Variants in CUX1 observed in about 807,000 individuals in gnomAD.
The protein encoded by CUX1 is protein CASP.
In CUX1, 31 loss-of-function variants were observed where a neutral mutation model predicts 158.8. The ratio of observed to expected loss-of-function variants is 0.20; its 90% CI spans 0.15 to 0.26. The LOEUF is 0.26. Among genes scored for constraint, CUX1 ranks in the 10% least tolerant of loss-of-function variants. The probability of loss-of-function intolerance (pLI) is 1.00; values close to 1 mark genes in which losing one functional copy is unlikely to be tolerated. For synonymous variants in CUX1, 879 were observed against 862.1 expected, an observed-to-expected ratio of 1.02 and a Z score of -0.34; for missense variants, 1,589 against 2,014.6, an observed-to-expected ratio of 0.79 and a Z score of 4.04.
chr7:101,941,045 C>A (rs904611187), intron 2 of CUX1, among the ~76,000 whole-genome samples: 4 of 152,224 alleles, frequency 2.6e-5, no homozygotes, highest in African/African-American at 9.6e-5. Context: ...AGGAAAAGGG[C>A]AGGGAGCCGG....
intron 2 of CUX1, among the ~76,000 whole-genome samples, chr7:101,937,980 C>T (rs1225989091): frequency 6.6e-6 from 1 of 152,180 alleles, no homozygotes; most frequent in Non-Finnish European, 1.5e-5. Context: ...CTTGCCCTTC[C>T]CTCCTCACAG....
intron 1 of CUX1, among the ~76,000 whole-genome samples, chr7:101,905,118 G>T (rs573797558): frequency 6.6e-6 from 1 of 152,236 alleles, no homozygotes; most frequent in East Asian, 1.9e-4. Context: ...GTCTCTGGGT[G>T]GGGGGCTCAG....
chr7:102,016,936 T>A (rs1818667119), intron 2 of CUX1, among the ~76,000 whole-genome samples: 1 of 151,912 alleles, frequency 6.6e-6, no homozygotes, highest in Non-Finnish European at 1.5e-5. Context: ...TTTCAGAGAG[T>A]CCTGGGGTGA....
intron 1 of CUX1, among the ~76,000 whole-genome samples, chr7:101,836,165 A>G (rs945760476): frequency 1.3e-5 from 2 of 152,082 alleles, no homozygotes; most frequent in Non-Finnish European, 2.9e-5. Context: ...GCATTGTTGC[A>G]TTTTGGCCTC....
chr7:102,163,939 A>G (rs1413847939), intron 9 of CUX1, among the ~76,000 whole-genome samples: 5 of 152,218 alleles, frequency 3.3e-5, no homozygotes, highest in African/African-American at 1.2e-4. Flanking sequence ...GTTATGGAGA[A>G]GTAGCAGAGG....
intron 21 of CUX1, among the ~76,000 whole-genome samples, chr7:102,229,610 C>G (rs1387766841): frequency 1.5e-5 from 2 of 133,310 alleles, no homozygotes; most frequent in Non-Finnish European, 3.1e-5. Context: ...CCGTGTCTGG[C>G]CTTTTTTTTT....
At chr7:102,278,747 A>G (rs1381529381) in intron 18 of CUX1, among the ~76,000 whole-genome samples, 1 of 150,004 alleles carries the variant, frequency 6.7e-6, no homozygotes, top group African/African-American at 2.4e-5. Context: ...AATAAAATAA[A>G]ATAGAAAAGA....
At position 102,230,331 on chromosome 7, in the gene CUX1, A is replaced by T. The variant is rs558539843; in HGVS notation, c.3433+2662A>T. ...TCTCTACAAAAAAAAAATTTTTTAAAAATTATTATCCAGGCATGGTGGCAC... is the reference window on the plus strand; with the variant it reads ...TCTCTACAAAAAAAAAATTTTTTAATAATTATTATCCAGGCATGGTGGCAC... On this transcript the variant is annotated intron_variant, in intron 21 of 23. Transcript: ENST00000292535. Among the ~76,000 whole-genome samples, 1,283 of 151,342 alleles carry T rather than the reference A, an allele frequency of 8.5e-3. 12 individuals are homozygous for T. The highest frequency in any genetic ancestry group is 0.03 in the African/African-American group (1,220 of 41,052).
intron 11 of CUX1, among the ~76,000 whole-genome samples, chr7:102,187,207 C>G (rs1312682604): frequency 6.6e-6 from 1 of 151,958 alleles, no homozygotes; most frequent in African/African-American, 2.4e-5. Context: ...CTTAGCAGTG[C>G]TAAGAGTCCC....
chr7:101,999,578 G>A (rs1317307419), intron 2 of CUX1, among the ~76,000 whole-genome samples: 1 of 152,212 alleles, frequency 6.6e-6, no homozygotes, highest in African/African-American at 2.4e-5. Context: ...CCCACGATTA[G>A]AGTGTCTGAG....
At chr7:101,962,127 A>G (rs1810574153) in intron 2 of CUX1, among the ~76,000 whole-genome samples, 1 of 152,216 alleles carries the variant, frequency 6.6e-6, no homozygotes, top group Admixed American at 6.5e-5. Flanking sequence ...TGATCAGAAA[A>G]ATATAAACTA....
At chr7:102,282,637 G>T in intron 21 of CUX1, 2 of 1,519,724 alleles carry the variant, frequency 1.3e-6, no homozygotes, top group Non-Finnish European at 1.8e-6. Context: ...TCCAGGCCAG[G>T]CCCAGGGGCC....
At chr7:101,967,508 C>T (rs1373569827) in intron 2 of CUX1, among the ~76,000 whole-genome samples, 2 of 152,184 alleles carry the variant, frequency 1.3e-5, no homozygotes, top group African/African-American at 4.8e-5. Flanking sequence ...GTGTGATGTT[C>T]ATTGAATGCA....
chr7:102,213,992 G>A (rs1441517643), intron 20 of CUX1, among the ~76,000 whole-genome samples: 1 of 152,172 alleles, frequency 6.6e-6, no homozygotes, highest in Non-Finnish European at 1.5e-5. Flanking sequence ...AAAATTAGCT[G>A]GGTGTGGTGG....
chr7:102,021,171 C>T (rs553360230), intron 2 of CUX1, among the ~76,000 whole-genome samples: 2 of 152,318 alleles, frequency 1.3e-5, no homozygotes, highest in Non-Finnish European at 2.9e-5. Context: ...GGGTCCCACC[C>T]CTGAACTGTC....
At chr7:102,001,480 AC>A (rs1816681031) in intron 2 of CUX1, among the ~76,000 whole-genome samples, 3 of 152,026 alleles carry the variant, frequency 2.0e-5, no homozygotes, top group Admixed American at 2.0e-4. Context: ...AGTAGCTGGG[AC>A]TGCAGGTGCC....
chr7:101,840,935 C>A (rs1332161038), intron 1 of CUX1, among the ~76,000 whole-genome samples: 1 of 151,836 alleles, frequency 6.6e-6, no homozygotes, highest in Non-Finnish European at 1.5e-5. Flanking sequence ...GCTCTATCGC[C>A]CAGGCTGGAG....
chr7:101,913,076 C>G (rs1167213408), intron 1 of CUX1: 1 of 171,976 alleles, frequency 5.8e-6, no homozygotes, highest in Non-Finnish European at 1.3e-5. Context: ...TGTCTCCTCC[C>G]ACAGCCCGAG....
At position 102,281,838 on chromosome 7, in the gene CUX1, AG is replaced by A; in HGVS notation, c.1824del. The stretch of plus-strand genomic sequence containing the variant: ...CCCCACTCACCCCCTCCTTGCTCCC[AG>A]GGGCGTCTGGTTCTCTCCAACAAGA... On this transcript the variant is annotated splice_acceptor_variant, in intron 20 of 22. Coordinates refer to the CUX1 transcript ENST00000292538. LOFTEE classifies it high-confidence loss of function. 6.2e-7 allele frequency: 1 copy of A among 1,610,032 alleles called. No individual in the cohort carries two copies.
Sources: allele counts gnomAD v4.1 joint callset (sites outside exome capture counted in the v4.1 genomes callset), GRCh38; gene constraint gnomAD v4.1.1; transcripts MANE v1.5; gene names NCBI Gene and HGNC (gene_info 2026-07-23, HGNC 2026-07-21).